ZBBX: variants seen among roughly 807,000 people sequenced by gnomAD.
ZBBX encodes the protein zinc finger B-box domain-containing protein 1.
A neutral mutation model predicts 108.5 loss-of-function variants in ZBBX; 101 were observed. The ratio of observed to expected loss-of-function variants is 0.93; its 90% confidence interval spans 0.79 to 1.10. ZBBX has a LOEUF of 1.10. Among genes scored for constraint, ZBBX ranks in the 50% least tolerant of loss-of-function variants. The probability of loss-of-function intolerance (pLI) is 0.00; values close to 1 mark genes in which losing one functional copy is unlikely to be tolerated. For missense variants in ZBBX, 1,009 were observed against 941.4 expected (o/e 1.07, Z -0.94); for synonymous variants, 356 against 323.4 (o/e 1.10, Z -1.08).
At chr3:167,257,891 TG>T (rs1461924352) in intron 20 of ZBBX, among the ~76,000 whole-genome samples, 2 of 152,146 alleles carry the variant, frequency 1.3e-5, no homozygotes, top group East Asian at 3.8e-4. Flanking sequence ...TTGTACATTC[TG>T]GGTATTAGTC....
chr3:167,318,513 T>G (rs1036698157), intron 12 of ZBBX, among the ~76,000 whole-genome samples: 1 of 151,840 alleles, frequency 6.6e-6, no homozygotes, highest in Non-Finnish European at 1.5e-5. Flanking sequence ...ACTCAAGGAG[T>G]CTGCCTCCCA....
Position 167,402,130 on chromosome 3 carries a change from T to C in ZBBX, c.-446+5596A>G, listed in dbSNP as rs894035430. The stretch of plus-strand genomic sequence containing the variant: ...TCTGAAAGACTACCAAGCACAGTAA[T>C]AGTTTGCTCAACGCAGTCATTCTCT... On this transcript the variant is annotated intron_variant, in intron 1 of 21. Coordinates refer to the ZBBX transcript ENST00000455345. Among the ~76,000 whole-genome samples the C allele has an allele frequency of 2.0e-5, 3 of 152,246 alleles. No individual in the cohort carries two copies. The East Asian group carries it at 5.8e-4, about 30-fold the overall frequency.
intron 18 of ZBBX, among the ~76,000 whole-genome samples, chr3:167,290,138 T>C (rs533435070): frequency 3.4e-4 from 51 of 152,206 alleles, no homozygotes; most frequent in Admixed American, 1.3e-3. Flanking sequence ...CGGTTGTAGG[T>C]GCAGCTTCAG....
chr3:167,279,985 CA>C (rs1728471573), intron 20 of ZBBX, among the ~76,000 whole-genome samples: 1 of 151,784 alleles, frequency 6.6e-6, no homozygotes, highest in African/African-American at 2.4e-5. Flanking sequence ...CTGACAAAAA[CA>C]AGCAATGGGG....
intron 21 of ZBBX, among the ~76,000 whole-genome samples, chr3:167,241,137 C>T (rs895660524): frequency 6.6e-6 from 1 of 152,102 alleles, no homozygotes; most frequent in Non-Finnish European, 1.5e-5. Flanking sequence ...GAAATACAGC[C>T]ACAGTAGAAT....
the ZBBX span, among the ~76,000 whole-genome samples, chr3:167,188,186 CA>C: frequency 6.6e-6 from 1 of 152,124 alleles, no homozygotes; most frequent in Non-Finnish European, 1.5e-5. Context: ...AATTTTTTAA[CA>C]TAGTATTGGT....
intron 1 of ZBBX, among the ~76,000 whole-genome samples, chr3:167,397,329 C>T (rs1235281352): frequency 7.9e-5 from 12 of 151,480 alleles, no homozygotes; most frequent in Non-Finnish European, 1.6e-4. Context: ...TCACAAGTCA[C>T]CTCACATACA....
intron 2 of ZBBX, among the ~76,000 whole-genome samples, chr3:167,375,806 T>A (rs998917288): frequency 2.6e-4 from 39 of 152,200 alleles, no homozygotes; most frequent in Middle Eastern, 3.2e-3. Flanking sequence ...TAGGAATTTA[T>A]TCTCTAAATA....
chr3:167,243,089 C>T (rs949542018), intron 20 of ZBBX, among the ~76,000 whole-genome samples: 24 of 152,110 alleles, frequency 1.6e-4, no homozygotes, highest in Admixed American at 1.5e-3. Flanking sequence ...GACTTCCTTG[C>T]TTTGTTTGAG....
chr3:167,289,086 A>T (rs1415545509), intron 18 of ZBBX, 103 bp from the exon 19 acceptor site: 1 of 560,116 alleles, frequency 1.8e-6, no homozygotes, highest in African/African-American at 1.9e-5. Flanking sequence ...AACTGAATAA[A>T]GAATATTTAC....
the ZBBX span, among the ~76,000 whole-genome samples, chr3:167,234,223 T>C: frequency 6.6e-6 from 1 of 151,900 alleles, no homozygotes; most frequent in Admixed American, 6.6e-5. Context: ...TCCTTTAAAA[T>C]GTATTATTTT....
the ZBBX span, among the ~76,000 whole-genome samples, chr3:167,232,472 T>G: frequency 6.6e-6 from 1 of 151,754 alleles, no homozygotes; most frequent in African/African-American, 2.4e-5. Flanking sequence ...TGGATTTAGT[T>G]CCTCCTCCAT....
intron 20 of ZBBX, among the ~76,000 whole-genome samples, chr3:167,253,514 A>C (rs528475729): frequency 6.6e-6 from 1 of 152,250 alleles, no homozygotes; most frequent in South Asian, 2.1e-4. Flanking sequence ...ATCCAGAAAA[A>C]GACAAGAAAG....
At chr3:167,356,512 C>T (rs1034695944) in intron 8 of ZBBX, among the ~76,000 whole-genome samples, 1 of 152,018 alleles carries the variant, frequency 6.6e-6, no homozygotes, top group Admixed American at 6.6e-5. Context: ...TATTAGTATA[C>T]ATAACCATTA....
intron 20 of ZBBX, among the ~76,000 whole-genome samples, chr3:167,279,679 A>G (rs921201569): frequency 1.3e-5 from 2 of 152,186 alleles, no homozygotes; most frequent in African/African-American, 4.8e-5. Flanking sequence ...TGCCCAAGGT[A>G]ATTTATAGAT....
Position 167,252,338 on chromosome 3 carries a change from C to T in ZBBX, c.2255-9695G>A, listed in dbSNP as rs1372294315. ...TGGAGGTGTATGTCTGAGAGCAAACCTCATGAAGTTTTTCCAGACTGCACC... is the reference window on the plus strand; with the variant it reads ...TGGAGGTGTATGTCTGAGAGCAAACTTCATGAAGTTTTTCCAGACTGCACC... On this transcript the variant is annotated intron_variant, in intron 20 of 21. Coordinates refer to ENST00000675490, the MANE Select transcript of ZBBX (RefSeq NM_001199201.2). 7.9e-6 allele frequency: 4 copies of T among 508,424 alleles called. No individual in the cohort carries two copies. The African/African-American group carries it at 8.1e-5, about 10-fold the overall frequency. The allele number at this position is 508,424 out of a possible 1,614,324, so 31.5% of individuals were successfully genotyped here. A position where few individuals can be genotyped will look rare whatever the true frequency, so the allele number is the denominator to read the frequency against.
chr3:167,232,553 C>T, the ZBBX span, among the ~76,000 whole-genome samples: 1 of 151,782 alleles, frequency 6.6e-6, no homozygotes, highest in Non-Finnish European at 1.5e-5. Flanking sequence ...GAGTTCCCAT[C>T]AGAATCATCT....
intron 6 of ZBBX, 127 bp from the exon 7 acceptor site, chr3:167,360,850 A>G (rs1744390740): frequency 4.9e-6 from 2 of 406,798 alleles, no homozygotes; most frequent in South Asian, 1.7e-4. Context: ...TTAAAGAATA[A>G]TATAAAATTA....
chr3:167,277,827 G>A (rs898884925), intron 20 of ZBBX, among the ~76,000 whole-genome samples: 43 of 151,816 alleles, frequency 2.8e-4, no homozygotes, highest in African/African-American at 9.4e-4. Context: ...CATCTATTCC[G>A]AAATTGACCA....
Sources: gnomAD v4.1 joint callset for allele counts (sites outside exome capture counted in the v4.1 genomes callset) on GRCh38, gnomAD v4.1.1 for gene constraint, MANE v1.5 for transcripts, NCBI Gene and HGNC (gene_info 2026-07-23, HGNC 2026-07-21) for gene names.